The following NCK2 variants were observed in gnomAD, a reference collection of about 807,000 sequenced individuals.
NCK2 encodes the protein NCK adaptor protein 2.
In NCK2, 16 loss-of-function variants were observed where a neutral mutation model predicts 33.9. That is an observed-to-expected ratio of 0.47 (90% CI 0.32 to 0.72). NCK2 has a LOEUF of 0.72. NCK2 is among the 30% of genes least tolerant of loss of function. The probability of loss-of-function intolerance (pLI) is 0.03; values close to 1 mark genes in which losing one functional copy is unlikely to be tolerated. For synonymous variants in NCK2, 273 were observed against 239.9 expected (o/e 1.14, Z -1.27); for missense variants, 418 against 537.3 (o/e 0.78, Z 2.19).
intron 1 of NCK2, among the ~76,000 whole-genome samples, chr2:105,810,109 A>G (rs547120242): frequency 6.6e-6 from 1 of 152,326 alleles, no homozygotes; most frequent in South Asian, 2.1e-4. Flanking sequence ...TTAGCAGAGG[A>G]TGCAGTGATA....
chr2:105,818,308 T>A, intron 2 of NCK2, among the ~76,000 whole-genome samples: 1 of 128,390 alleles, frequency 7.8e-6, no homozygotes, highest in Non-Finnish European at 1.6e-5. Context: ...GGGATAGCAT[T>A]AGGAGATATA....
At chr2:105,800,024 C>A (rs760604948) in intron 1 of NCK2, among the ~76,000 whole-genome samples, 62 of 152,186 alleles carry the variant, frequency 4.1e-4, no homozygotes, top group Non-Finnish European at 7.2e-4. Context: ...TTTGGAAACA[C>A]CATCTTTGTT....
At chr2:105,878,526 G>A (rs1166448545) in intron 3 of NCK2, among the ~76,000 whole-genome samples, 1 of 152,194 alleles carries the variant, frequency 6.6e-6, no homozygotes, top group Non-Finnish European at 1.5e-5. Context: ...TGCAGGTCCA[G>A]GAGAGAGGCC....
chr2:105,866,347 A>G (rs990648294), intron 3 of NCK2, among the ~76,000 whole-genome samples: 1 of 151,838 alleles, frequency 6.6e-6, no homozygotes, highest in African/African-American at 2.4e-5. Context: ...TAAGTATATA[A>G]TCAAGATCCT....
chr2:105,748,991 CCTCT>C (rs1361212884), intron 1 of NCK2, among the ~76,000 whole-genome samples: 14 of 152,216 alleles, frequency 9.2e-5, no homozygotes, highest in South Asian at 4.2e-4. Flanking sequence ...GGTCTGTTGG[CCTCT>C]CTATTTGGCA....
At chr2:105,830,693 G>GTA (rs1553458065) in intron 2 of NCK2, among the ~76,000 whole-genome samples, 75 of 148,042 alleles carry the variant, frequency 5.1e-4, no homozygotes, top group African/African-American at 1.7e-3. Flanking sequence ...GTGTGTGTGT[G>GTA]TGTGTGTGTG....
intron 1 of NCK2, among the ~76,000 whole-genome samples, chr2:105,755,020 A>G (rs916945797): frequency 6.6e-6 from 1 of 151,776 alleles, no homozygotes; most frequent in Non-Finnish European, 1.5e-5. Context: ...CCCGCCCTGA[A>G]CACCATTTAT....
chr2:105,875,751 A>G (rs1030351302), intron 3 of NCK2, among the ~76,000 whole-genome samples: 6 of 152,214 alleles, frequency 3.9e-5, no homozygotes, highest in African/African-American at 1.2e-4. Flanking sequence ...TGAGAAATAA[A>G]TGTCTGTAAT....
chr2:105,785,267 A>G (rs1257174781), intron 1 of NCK2, among the ~76,000 whole-genome samples: 1 of 152,300 alleles, frequency 6.6e-6, no homozygotes, highest in South Asian at 2.1e-4. Context: ...CGTGAGCGGC[A>G]GTTGGTTCTT....
At chr2:105,747,377 G>T (rs1356678497) in intron 1 of NCK2, among the ~76,000 whole-genome samples, 2 of 152,152 alleles carry the variant, frequency 1.3e-5, no homozygotes, top group East Asian at 3.8e-4. Context: ...CCGGAATGGC[G>T]CAGAATGCAC....
At chr2:105,823,653 G>A (rs903539873) in intron 2 of NCK2, among the ~76,000 whole-genome samples, 1 of 151,956 alleles carries the variant, frequency 6.6e-6, no homozygotes, top group African/African-American at 2.4e-5. Context: ...GGATGGAAAC[G>A]AATAACCCTT....
chr2:105,864,828 TACACAC>T (rs10524426), intron 3 of NCK2, among the ~76,000 whole-genome samples: 8,202 of 144,344 alleles, frequency 0.057, 410 homozygotes, highest in African/African-American at 0.13. Context: ...CATGTGCATG[TACACAC>T]ACACACACAC....
chr2:105,801,227 A>G (rs894392280), intron 1 of NCK2, among the ~76,000 whole-genome samples: 1 of 151,980 alleles, frequency 6.6e-6, no homozygotes, highest in African/African-American at 2.4e-5. Context: ...AACCCTGCTC[A>G]CTGGCTAGAG....
intron 2 of NCK2, among the ~76,000 whole-genome samples, chr2:105,836,519 CTG>C (rs1676444180): frequency 4.6e-5 from 7 of 152,178 alleles, no homozygotes; most frequent in Admixed American, 4.6e-4. Flanking sequence ...TGGCAGCTTA[CTG>C]CTGGAGGGAG....
In NCK2 at chr2:105,892,964, G is replaced by A; in HGVS notation, c.949-18G>A. 1 of 1,597,394 alleles carries A rather than the reference G, an allele frequency of 6.3e-7. No individual in the cohort carries two copies. The highest frequency in any genetic ancestry group is 8.6e-7 in the Non-Finnish European group (1 of 1,167,238). ...CCCGCTGTGGCCCGGCTGTAACTGT[G>A]TTCTGTTTCCTCCCCAGCCCAGCGA... On this transcript the variant is annotated intron_variant, in intron 4 of 4. Transcript: ENST00000233154.
intron 1 of NCK2, among the ~76,000 whole-genome samples, chr2:105,781,445 A>G (rs1690493582): frequency 6.6e-6 from 1 of 152,146 alleles, no homozygotes; most frequent in South Asian, 2.1e-4. Context: ...CCCAGCCAGA[A>G]CTAGTGACCC....
chr2:105,857,047 T>TTAA (rs1553460689), intron 3 of NCK2: 1 of 130,792 alleles, frequency 7.6e-6, no homozygotes, highest in Non-Finnish European at 1.7e-5. Context: ...TTTTTTTTTT[T>TTAA]TTGTATTTAC....
intron 2 of NCK2, among the ~76,000 whole-genome samples, chr2:105,828,739 A>C (rs1289131611): frequency 6.6e-6 from 1 of 152,222 alleles, no homozygotes; most frequent in Non-Finnish European, 1.5e-5. Context: ...CTGCTGTAGG[A>C]GTGAAATAGG....
intron 4 of NCK2, 99 bp from the exon 5 acceptor site, chr2:105,892,882 CA>C: frequency 1.1e-6 from 1 of 916,034 alleles, no homozygotes; most frequent in Non-Finnish European, 1.6e-6. Flanking sequence ...AGTGTTTGAG[CA>C]ATGGGTGGTT....
Sources: allele counts gnomAD v4.1 joint callset (sites outside exome capture counted in the v4.1 genomes callset), GRCh38; gene constraint gnomAD v4.1.1; transcripts MANE v1.5; gene names NCBI Gene and HGNC (gene_info 2026-07-23, HGNC 2026-07-21).